The following BCO2 variants were observed in gnomAD, a reference collection of about 807,000 sequenced individuals.
The protein encoded by BCO2 is beta-carotene oxygenase 2.
Under a neutral mutation model 65.8 loss-of-function variants are expected in BCO2, and 56 were observed. The observed-to-expected ratio is 0.85, with a 90% CI of 0.69 to 1.06. The LOEUF (loss-of-function observed/expected upper bound fraction) is 1.06, where lower values mean the gene tolerates loss of function less well. Among genes scored for constraint, BCO2 ranks in the 50% least tolerant of loss-of-function variants. The pLI is 0.00. For synonymous variants in BCO2, 233 were observed against 242.3 expected, an observed-to-expected ratio of 0.96 and a Z score of 0.36; for missense variants, 675 against 698.5, an observed-to-expected ratio of 0.97 and a Z score of 0.38.
chr11:112,213,696 TTTTCATCTC>T lies in BCO2; in HGVS notation c.1195-23_1195-15del. 6.2e-7 allele frequency: 1 copy of T among 1,607,964 alleles called. No individual in the cohort carries two copies. The highest frequency in any genetic ancestry group is 8.5e-7 in the Non-Finnish European group (1 of 1,175,434). ...CATACTGTTACCATATGAATGACAA[TTTTCATCTC>T]TTTCTTCTTCCCAAACAGGTCCATA... On this transcript the variant is annotated intron_variant, in intron 8 of 11. Coordinates refer to ENST00000357685, the MANE Select transcript of BCO2 (RefSeq NM_031938.7).
intron 2 of BCO2, chr11:112,181,710 A>T (rs1867056372): frequency 2.1e-6 from 2 of 975,098 alleles, no homozygotes; most frequent in African/African-American, 1.6e-5. Context: ...TTTACTAGCA[A>T]CTCCAACCAA....
At chr11:112,187,186 C>T (rs1394409906) in intron 2 of BCO2, among the ~76,000 whole-genome samples, 3 of 152,114 alleles carry the variant, frequency 2.0e-5, no homozygotes, top group Non-Finnish European at 1.5e-5. Flanking sequence ...TGTCCACTAC[C>T]TTCTTAAGGC....
At chr11:112,181,831 A>G in intron 2 of BCO2, 4 of 949,618 alleles carry the variant, frequency 4.2e-6, no homozygotes, top group Non-Finnish European at 5.2e-6. Flanking sequence ...AATCTTGCAC[A>G]TGCAAATCTT....
At chr11:112,190,387 C>G (rs1867338261) in intron 2 of BCO2, among the ~76,000 whole-genome samples, 1 of 152,098 alleles carries the variant, frequency 6.6e-6, no homozygotes, top group Non-Finnish European at 1.5e-5. Context: ...TAACTTTGAT[C>G]AGGTGGGATT....
In BCO2 at chr11:112,200,840, A is replaced by T. The variant is rs1309696055; in HGVS notation, c.1026+67A>T. 6 of 1,533,172 alleles carry T rather than the reference A, an allele frequency of 3.9e-6. No homozygotes were observed. The Admixed American group carries it at 9.6e-5, about 25-fold the overall frequency. The allele number at this position is 1,533,172 out of a possible 1,614,324, so 95.0% of individuals were successfully genotyped here. A position where few individuals can be genotyped will look rare whatever the true frequency, so the allele number is the denominator to read the frequency against. On this transcript the variant is annotated intron_variant, in intron 7 of 11. Transcript: ENST00000357685. Reference sequence around the variant, plus strand: ...ACAAAGGCAAATTTCCATATAGTTGATTTTTTAAAAATCTTCCCTGGTTAA... The same window carrying T: ...ACAAAGGCAAATTTCCATATAGTTGTTTTTTTAAAAATCTTCCCTGGTTAA...
intron 6 of BCO2, 30 bp from the exon 7 acceptor site, chr11:112,200,583 A>G: frequency 1.3e-6 from 2 of 1,578,542 alleles, no homozygotes; most frequent in Non-Finnish European, 1.7e-6. Flanking sequence ...TTGCCAAATA[A>G]CATTTTTATT....
At chr11:112,200,193 C>T (rs1867690334) in intron 6 of BCO2, among the ~76,000 whole-genome samples, 1 of 152,030 alleles carries the variant, frequency 6.6e-6, no homozygotes, top group Non-Finnish European at 1.5e-5. Flanking sequence ...AGCTTTTACT[C>T]AGAATATTTA....
At chr11:112,180,682 T>A (rs1277142240) in intron 2 of BCO2, 1 of 604,300 alleles carries the variant, frequency 1.7e-6, no homozygotes, top group Non-Finnish European at 3.0e-6. Flanking sequence ...TCCAAGTGGG[T>A]GGAGGGGGGG....
intron 8 of BCO2, among the ~76,000 whole-genome samples, chr11:112,211,352 A>ACT (rs147391427): frequency 0.019 from 2,875 of 148,936 alleles, 105 homozygotes; most frequent in African/African-American, 0.036. Flanking sequence ...ACACACACAC[A>ACT]ATATTTGTTT....
Position 112,199,705 on chromosome 11 carries a change from C to T in BCO2, c.743C>T (p.Ser248Phe). 6.2e-7 allele frequency: 1 copy of T among 1,613,410 alleles called. No individual in the cohort carries two copies. Among genetic ancestry groups the T allele is most frequent in the Non-Finnish European group, 8.5e-7 (1 of 1,179,480 alleles). ...MGNSFGPYGF[S>F]YKVIRVPPEK... is the part of the protein sequence containing the mutation. ...AGGACTTTTCATTTTTCAGGTTTCT[C>T]CTATAAGGTTATTCGGGTTCCTCCA... is the stretch of plus-strand genomic sequence containing the variant. Residue 248 changes from serine (S) to phenylalanine (F), a missense_variant, in exon 6 of 12, where the codon TCC becomes TTC. By Grantham distance (155) the Ser-to-Phe change is radical (BLOSUM62 -2). Coordinates refer to ENST00000357685, the MANE Select transcript of BCO2 (RefSeq NM_031938.7).
At chr11:112,183,610 G>A (rs1486630063) in intron 2 of BCO2, among the ~76,000 whole-genome samples, 2 of 152,154 alleles carry the variant, frequency 1.3e-5, no homozygotes, top group Admixed American at 6.5e-5. Context: ...GATGCAGTAT[G>A]GATATTTAAA....
At chr11:112,183,262 A>T (rs901956888) in intron 2 of BCO2, 62 of 726,126 alleles carry the variant, frequency 8.5e-5, no homozygotes, top group Middle Eastern at 3.9e-4. Context: ...TTCTCCATCC[A>T]CTCAGTTGTC....
intron 8 of BCO2, among the ~76,000 whole-genome samples, chr11:112,210,444 A>G (rs1243386897): frequency 6.6e-6 from 1 of 152,232 alleles, no homozygotes; most frequent in Non-Finnish European, 1.5e-5. Context: ...AGTCCATGCA[A>G]GAGCTGGACT....
chr11:112,182,628 A>G (rs972188082), intron 2 of BCO2, among the ~76,000 whole-genome samples: 1 of 151,336 alleles, frequency 6.6e-6, no homozygotes, highest in Non-Finnish European at 1.5e-5. Context: ...GCATGTTCTC[A>G]CTCATAGGTG....
chr11:112,218,276 G>T lies in BCO2; in HGVS notation c.*402G>T. On this transcript the variant is annotated 3_prime_UTR_variant, in exon 12 of 12. Transcript: ENST00000357685. The stretch of plus-strand genomic sequence containing the variant: ...CTTGCCACTGCCAAGTCACGCCATG[G>T]CAGAGGCTCGAGTGCATACAAGCTT... 1 of 163,236 alleles carries T rather than the reference G, an allele frequency of 6.1e-6. No homozygotes were observed. Among genetic ancestry groups the T allele is most frequent in the Non-Finnish European group, 1.3e-5 (1 of 74,302 alleles). The allele number at this position is 163,236 out of a possible 1,614,324, so 10.1% of individuals were successfully genotyped here. A position where few individuals can be genotyped will look rare whatever the true frequency, so the allele number is the denominator to read the frequency against.
intron 9 of BCO2, 26 bp from the exon 10 acceptor site, chr11:112,214,736 A>G (rs1859607492): frequency 1.9e-6 from 3 of 1,598,286 alleles, no homozygotes; most frequent in Middle Eastern, 1.7e-4. Flanking sequence ...AGCAACCACT[A>G]CAAATCCTTT....
chr11:112,193,819 G>C, intron 3 of BCO2, 60 bp from the exon 4 acceptor site: 1 of 1,456,494 alleles, frequency 6.9e-7, no homozygotes, highest in Non-Finnish European at 9.6e-7. Flanking sequence ...CTTTGAGTGT[G>C]TGCTTAGCGT....
intron 8 of BCO2, among the ~76,000 whole-genome samples, chr11:112,211,608 C>G (rs1044654766): frequency 6.6e-6 from 1 of 151,992 alleles, no homozygotes; most frequent in African/African-American, 2.4e-5. Context: ...CAGTTCTTCA[C>G]GTTTTTACCA....
rs1422360608 is a variant in BCO2 at position 112,199,819 on chromosome 11, A to G, written c.857A>G (p.His286Arg). Residue 286 changes from histidine (H) to arginine (R), a missense_variant, in exon 6 of 12, where the codon CAT (histidine) becomes CGT (arginine). Physicochemically the swap from His to Arg is conservative, Grantham distance 29 (BLOSUM62 0). Coordinates refer to ENST00000357685, the MANE Select transcript of BCO2 (RefSeq NM_031938.7). ...STEKGKPSYYHSFGMTRNYII... is the reference protein window; with the variant it reads ...STEKGKPSYYRSFGMTRNYII... ...GAGAAAGGGAAACCTTCTTACTACCATAGCTTTGGTGAGTCCAGAGATAAG... is the reference window on the plus strand; with the variant it reads ...GAGAAAGGGAAACCTTCTTACTACCGTAGCTTTGGTGAGTCCAGAGATAAG... The G allele has an allele frequency of 9.3e-6, 15 of 1,613,912 alleles. No individual in the cohort carries two copies. Among genetic ancestry groups the G allele is most frequent in the Non-Finnish European group, 1.3e-5 (15 of 1,179,934 alleles).
Sources: gnomAD v4.1 joint callset for allele counts (sites outside exome capture counted in the v4.1 genomes callset) on GRCh38, gnomAD v4.1.1 for gene constraint, MANE v1.5 for transcripts, NCBI Gene and HGNC (gene_info 2026-07-23, HGNC 2026-07-21) for gene names.